CDH4: variants seen among roughly 807,000 people sequenced by gnomAD.
CDH4 encodes cadherin 4.
In CDH4, 33 loss-of-function variants were observed where a neutral mutation model predicts 86.0. The ratio of observed to expected loss-of-function variants is 0.38; its 90% CI spans 0.29 to 0.51. CDH4 has a LOEUF of 0.51. Ranked by LOEUF, CDH4 falls within the 20% of genes least tolerant of loss-of-function variation. The pLI, the probability that CDH4 is intolerant of heterozygous loss-of-function variation, is 0.86. For missense variants in CDH4, 1,114 were observed against 1,307.4 expected (o/e 0.85, Z 2.28); for synonymous variants, 555 against 549.4 (o/e 1.01, Z -0.14).
chr20:61,604,304 C>T (rs2086625855), intron 2 of CDH4, among the ~76,000 whole-genome samples: 1 of 152,232 alleles, frequency 6.6e-6, no homozygotes, highest in African/African-American at 2.4e-5. Context: ...GCCCTGGCGG[C>T]AGCCGCAGCG....
chr20:61,730,404 G>A (rs574014519), intron 2 of CDH4, among the ~76,000 whole-genome samples: 63 of 152,242 alleles, frequency 4.1e-4, no homozygotes, highest in Non-Finnish European at 6.2e-4. Flanking sequence ...GGAATCCTAC[G>A]GGTATGCAAC....
intron 2 of CDH4, among the ~76,000 whole-genome samples, chr20:61,587,694 G>A (rs1171525471): frequency 6.6e-6 from 1 of 152,120 alleles, no homozygotes; most frequent in Non-Finnish European, 1.5e-5. Flanking sequence ...CTGGCTGTAG[G>A]GTAACTCAAA....
intron 2 of CDH4, among the ~76,000 whole-genome samples, chr20:61,489,636 C>T (rs2085615090): frequency 6.6e-6 from 1 of 152,192 alleles, no homozygotes; most frequent in Non-Finnish European, 1.5e-5. Flanking sequence ...TTGATTCAGC[C>T]GATTGGCCAG....
At chr20:61,895,876 G>A (rs1164441222) in intron 8 of CDH4, among the ~76,000 whole-genome samples, 1 of 152,206 alleles carries the variant, frequency 6.6e-6, no homozygotes, top group African/African-American at 2.4e-5. Context: ...CCGTGTGGCA[G>A]TGCTGACATC....
intron 2 of CDH4, among the ~76,000 whole-genome samples, chr20:61,355,605 G>GA (rs1487940766): frequency 1.3e-5 from 2 of 152,184 alleles, no homozygotes; most frequent in African/African-American, 2.4e-5. Flanking sequence ...TGGTCTGAGA[G>GA]AAAAAAACAG....
intron 7 of CDH4, among the ~76,000 whole-genome samples, chr20:61,885,807 G>C (rs111816150): frequency 6.6e-6 from 1 of 152,208 alleles, no homozygotes; most frequent in African/African-American, 2.4e-5. Context: ...TGTGCAGCCT[G>C]AGGATGAGAC....
intron 6 of CDH4, among the ~76,000 whole-genome samples, chr20:61,867,012 G>T (rs1344059342): frequency 6.6e-6 from 1 of 152,222 alleles, no homozygotes. Flanking sequence ...GCTGGGGGTG[G>T]TTCTTAAGAG....
In CDH4 at chr20:61,574,050, A is replaced by G. The variant is rs191520501; in HGVS notation, c.170-169513A>G. Among the ~76,000 whole-genome samples, 7 of 152,306 alleles carry G rather than the reference A, an allele frequency of 4.6e-5. No individual in the cohort carries two copies. In the East Asian group the frequency reaches 1.4e-3, roughly 29 times the overall value. ...GGGCCTGCGAGTGGACCTTCTGGCC[A>G]GCGAGGACCCACAGCCCTGGGGTGG... On this transcript the variant is annotated intron_variant, in intron 2 of 15. Coordinates refer to ENST00000614565, the MANE Select transcript of CDH4 (RefSeq NM_001794.5).
At chr20:61,584,189 C>A (rs961308768) in intron 2 of CDH4, among the ~76,000 whole-genome samples, 2 of 152,252 alleles carry the variant, frequency 1.3e-5, no homozygotes, top group East Asian at 3.9e-4. Context: ...TAGAGAGGTT[C>A]CCTGCTAAAC....
At chr20:61,797,582 C>T (rs1227658712) in intron 4 of CDH4, among the ~76,000 whole-genome samples, 1 of 152,120 alleles carries the variant, frequency 6.6e-6, no homozygotes, top group Non-Finnish European at 1.5e-5. Context: ...CCCAGAAGTT[C>T]GAGACCAGCC....
At chr20:61,441,880 C>T (rs1418899291) in intron 2 of CDH4, among the ~76,000 whole-genome samples, 1 of 152,152 alleles carries the variant, frequency 6.6e-6, no homozygotes, top group Non-Finnish European at 1.5e-5. Flanking sequence ...TTGGGTTGTG[C>T]AGGTGGCACG....
At chr20:61,837,600 C>T (rs1981938727) in intron 4 of CDH4, among the ~76,000 whole-genome samples, 1 of 152,096 alleles carries the variant, frequency 6.6e-6, no homozygotes, top group Non-Finnish European at 1.5e-5. Context: ...TGGGTCTCCT[C>T]TTCTGTGCCT....
At chr20:61,606,412 G>A (rs896061205) in intron 2 of CDH4, among the ~76,000 whole-genome samples, 2 of 152,196 alleles carry the variant, frequency 1.3e-5, no homozygotes, top group Non-Finnish European at 2.9e-5. Flanking sequence ...CAGGTCAAGT[G>A]GGGGAGCTGG....
intron 2 of CDH4, among the ~76,000 whole-genome samples, chr20:61,534,656 TCTTTC>T (rs1217714128): frequency 0.019 from 2,448 of 128,062 alleles, 124 homozygotes; most frequent in African/African-American, 0.03. Context: ...TTCTTTTCTT[TCTTTC>T]TTTCTTTTTT....
chr20:61,835,435 G>A (rs768518953), intron 4 of CDH4, among the ~76,000 whole-genome samples: 3 of 152,202 alleles, frequency 2.0e-5, no homozygotes, highest in Non-Finnish European at 4.4e-5. Flanking sequence ...GGGTGTGGTA[G>A]GCACTGCTAG....
At chr20:61,825,378 G>A (rs1025485629) in intron 4 of CDH4, among the ~76,000 whole-genome samples, 6 of 152,046 alleles carry the variant, frequency 3.9e-5, no homozygotes, top group Admixed American at 6.6e-5. Flanking sequence ...CTCCAGCCTG[G>A]GCAACAGAGT....
intron 9 of CDH4, among the ~76,000 whole-genome samples, chr20:61,912,138 G>T (rs769946859): frequency 6.6e-5 from 10 of 152,164 alleles, no homozygotes; most frequent in African/African-American, 1.9e-4. Flanking sequence ...AATCAAAAAG[G>T]GGGGAAGAAT....
chr20:61,495,198 ATGT>A (rs2085651811), intron 2 of CDH4, among the ~76,000 whole-genome samples: 1 of 152,198 alleles, frequency 6.6e-6, no homozygotes, highest in Non-Finnish European at 1.5e-5. Flanking sequence ...TCAGGACTTA[ATGT>A]TGAGTCTGTG....
At chr20:61,851,346 A>G (rs950404211) in intron 5 of CDH4, among the ~76,000 whole-genome samples, 2 of 152,152 alleles carry the variant, frequency 1.3e-5, no homozygotes, top group Non-Finnish European at 2.9e-5. Context: ...GGATGGTTGG[A>G]GCCAAACCAA....
Sources: gnomAD v4.1 joint callset for allele counts (sites outside exome capture counted in the v4.1 genomes callset) on GRCh38, gnomAD v4.1.1 for gene constraint, MANE v1.5 for transcripts, NCBI Gene and HGNC (gene_info 2026-07-23, HGNC 2026-07-21) for gene names.